The following DENND3 variants were observed in gnomAD, a reference collection of about 807,000 sequenced individuals.
DENND3 encodes the protein DENN domain-containing protein 3.
Under a neutral mutation model 135.1 loss-of-function variants are expected in DENND3, and 88 were observed. That is an observed-to-expected ratio of 0.65 (90% CI 0.55 to 0.78). DENND3 has a LOEUF of 0.78. DENND3 is among the 30% of genes least tolerant of loss of function. The pLI is 0.00. For synonymous variants in DENND3, 693 were observed against 712.3 expected, an observed-to-expected ratio of 0.97 and a Z score of 0.43; for missense variants, 1,392 against 1,688.4, an observed-to-expected ratio of 0.82 and a Z score of 3.08.
Position 141,194,488 on chromosome 8 carries a change from T to G in DENND3, c.*255T>G. The G allele has an allele frequency of 1.9e-6, 1 of 522,004 alleles. No individual in the cohort carries two copies. Among genetic ancestry groups the G allele is most frequent in the Admixed American group, 3.2e-5 (1 of 31,394 alleles). 32.3% of individuals were successfully genotyped at this position (522,004 alleles called of 1,614,324 possible). On this transcript the variant is annotated 3_prime_UTR_variant, in exon 23 of 23. Coordinates refer to ENST00000519811, the MANE Select transcript of DENND3 (RefSeq NM_001352890.3). The stretch of plus-strand genomic sequence containing the variant: ...TCTCAGGCAGGCAGCTGCGTCTTGT[T>G]GGTGATAACCTCTGCTGGGAGGTTA...
At chr8:141,153,502 G>C (rs1819068355) in intron 7 of DENND3, among the ~76,000 whole-genome samples, 1 of 152,208 alleles carries the variant, frequency 6.6e-6, no homozygotes, top group Non-Finnish European at 1.5e-5. Flanking sequence ...CCCCAGCCCC[G>C]CTTTTCCCGG....
chr8:141,169,550 G>A (rs192859134), intron 13 of DENND3, among the ~76,000 whole-genome samples: 9 of 152,350 alleles, frequency 5.9e-5, no homozygotes, highest in African/African-American at 2.2e-4. Flanking sequence ...CACCTGCTGC[G>A]TTTCCCATGG....
intron 5 of DENND3, among the ~76,000 whole-genome samples, chr8:141,145,853 A>ATATATATATAT (rs1569555499): frequency 1.2e-5 from 1 of 85,836 alleles, no homozygotes; most frequent in Non-Finnish European, 2.5e-5. Flanking sequence ...ATATATATGT[A>ATATATATATAT]TTTTTTTTTT....
Position 141,166,270 on chromosome 8 carries a change from C to T in DENND3, c.1634C>T (p.Thr545Ile). The T allele has an allele frequency of 6.2e-7, 1 of 1,614,138 alleles. No homozygotes were observed. Among genetic ancestry groups the T allele is most frequent in the Non-Finnish European group, 8.5e-7 (1 of 1,180,038 alleles). ...CGGAAGTCCTCGCACCTGCATGTCA[C>T]CCACAGGCGCATGGTGGTCAGCATG... ...ASRKSSHLHV[T>I]HRRMVVSMPN... is the part of the protein sequence containing the mutation. Residue 545 changes from threonine to isoleucine, a missense_variant, in exon 12 of 23, where the codon ACC becomes ATC. Coordinates refer to ENST00000519811, the MANE Select transcript of DENND3 (RefSeq NM_001352890.3). This position sits in a 1 kb window ranked among gnomAD's most constrained non-coding sequence, Gnocchi z 4.3.
At chr8:141,134,768 T>C (rs1816572356) in intron 1 of DENND3, among the ~76,000 whole-genome samples, 1 of 152,236 alleles carries the variant, frequency 6.6e-6, no homozygotes, top group Non-Finnish European at 1.5e-5. Flanking sequence ...CTGTGTCTTA[T>C]TGGAATGTTG....
chr8:141,128,861 A>G lies in DENND3; in HGVS notation c.102+52A>G. On this transcript the variant is annotated intron_variant, in intron 1 of 22. Transcript: ENST00000519811. The surrounding 1 kb of genome is among the most constrained non-coding windows in gnomAD (Gnocchi z 4.5). Reference sequence around the variant, plus strand: ...CGTGGGCCACGAGTCGGCAGCCGGGACAGCAGTCGGAGAGCGGGCGCCCGG... The same window carrying G: ...CGTGGGCCACGAGTCGGCAGCCGGGGCAGCAGTCGGAGAGCGGGCGCCCGG... 7.7e-7 allele frequency: 1 copy of G among 1,302,462 alleles called. No homozygotes were observed. The highest frequency in any genetic ancestry group is 1.0e-6 in the Non-Finnish European group (1 of 1,003,522). The allele number at this position is 1,302,462 out of a possible 1,614,324, so 80.7% of individuals were successfully genotyped here. A position where few individuals can be genotyped will look rare whatever the true frequency, so the allele number is the denominator to read the frequency against.
At chr8:141,150,712 C>G (rs915344322) in intron 5 of DENND3, 122 bp from the exon 6 acceptor site, 2 of 1,261,460 alleles carry the variant, frequency 1.6e-6, no homozygotes, top group Non-Finnish European at 2.1e-6. Flanking sequence ...AACGTGGCAG[C>G]CTGTGTCTTC....
chr8:141,154,073 G>A lies in DENND3; in HGVS notation c.1075-1776G>A, dbSNP rs143580975. On this transcript the variant is annotated intron_variant, in intron 7 of 22. Coordinates refer to ENST00000519811, the MANE Select transcript of DENND3 (RefSeq NM_001352890.3). The surrounding 1 kb of genome is among the most constrained non-coding windows in gnomAD (Gnocchi z 4.4). The stretch of plus-strand genomic sequence containing the variant: ...CGTTAACACATCCACGGGACCGGCT[G>A]TGTGCCTCGCTGCTTTAGCGTTTTG... Among the ~76,000 whole-genome samples, 705 of 152,368 alleles carry A rather than the reference G, an allele frequency of 4.6e-3. 6 individuals carry two copies. The highest frequency in any genetic ancestry group is 0.016 in the African/African-American group (670 of 41,596).
intron 19 of DENND3, 147 bp from the exon 20 acceptor site, chr8:141,190,137 A>G: frequency 9.3e-7 from 1 of 1,080,186 alleles, no homozygotes. Context: ...GCAGGTTATT[A>G]TGTTTGCATG....
chr8:141,188,912 AGTAAAT>A, intron 18 of DENND3, 68 bp from the exon 19 acceptor site: 1 of 1,542,274 alleles, frequency 6.5e-7, no homozygotes, highest in Non-Finnish European at 8.7e-7. Context: ...CAGCACGTGC[AGTAAAT>A]GTATAGAATA....
chr8:141,178,250 T>G, intron 16 of DENND3, 54 bp downstream of exon 16: 1 of 1,567,788 alleles, frequency 6.4e-7, no homozygotes, highest in Admixed American at 1.8e-5. Context: ...ACGCCTTAAG[T>G]GATTTTATCT....
rs1820816941 is a variant in DENND3 at position 141,166,496 on chromosome 8, G to C, written c.1753+107G>C. On this transcript the variant is annotated intron_variant, in intron 12 of 22. Coordinates refer to ENST00000519811, the MANE Select transcript of DENND3 (RefSeq NM_001352890.3). The surrounding 1 kb of genome is among the most constrained non-coding windows in gnomAD (Gnocchi z 4.3). ...TGTTTCAGGAGAGACGAGTGGGCTT[G>C]TTTTAGCAGCTGAGTTATTTGAAAT... The C allele has an allele frequency of 7.7e-6, 9 of 1,165,174 alleles. No homozygotes were observed. Among genetic ancestry groups the C allele is most frequent in the Non-Finnish European group, 1.1e-5 (9 of 838,384 alleles). The allele number at this position is 1,165,174 out of a possible 1,614,324, so 72.2% of individuals were successfully genotyped here. A position where few individuals can be genotyped will look rare whatever the true frequency, so the allele number is the denominator to read the frequency against.
At chr8:141,188,851 G>C in intron 18 of DENND3, 135 bp from the exon 19 acceptor site, 2 of 1,219,966 alleles carry the variant, frequency 1.6e-6, no homozygotes, top group Non-Finnish European at 2.2e-6. Flanking sequence ...AGGCTCCCAG[G>C]ACCCTGAGCC....
intron 16 of DENND3, among the ~76,000 whole-genome samples, chr8:141,179,425 A>G (rs895658660): frequency 6.6e-6 from 1 of 152,244 alleles, no homozygotes; most frequent in South Asian, 2.1e-4. Flanking sequence ...TTATCAGCGC[A>G]TGACGGCAGA....
At position 141,168,378 on chromosome 8, in the gene DENND3, G is replaced by A. The variant is rs1202855347; in HGVS notation, c.2128G>A (p.Glu710Lys). The A allele has an allele frequency of 1.9e-6, 3 of 1,613,922 alleles. No homozygotes were observed. The highest frequency in any genetic ancestry group is 2.5e-6 in the Non-Finnish European group (3 of 1,180,026). Reference protein sequence around the residue: ...LISEILDKPHEASKLDDHVKK... With the variant: ...LISEILDKPHKASKLDDHVKK... Reference sequence around the variant, plus strand: ...CAGCGAGATCCTGGACAAGCCGCACGAGGCCTCGAAGCTGGACGACCACGT... The same window carrying A: ...CAGCGAGATCCTGGACAAGCCGCACAAGGCCTCGAAGCTGGACGACCACGT... The change falls in exon 13 of 23, where the codon GAG (glutamate) becomes AAG (lysine). Residue 710 changes from glutamate to lysine, a missense_variant. Coordinates refer to ENST00000519811, the MANE Select transcript of DENND3 (RefSeq NM_001352890.3). This position sits in a 1 kb window ranked among gnomAD's most constrained non-coding sequence, Gnocchi z 6.2.
At chr8:141,131,421 T>C (rs1661483180) in intron 1 of DENND3, among the ~76,000 whole-genome samples, 1 of 152,204 alleles carries the variant, frequency 6.6e-6, no homozygotes, top group Non-Finnish European at 1.5e-5. Flanking sequence ...TTGGTGGACA[T>C]CGTCCTGACT....
intron 5 of DENND3, among the ~76,000 whole-genome samples, chr8:141,148,698 T>C (rs1818438634): frequency 6.6e-6 from 1 of 152,130 alleles, no homozygotes; most frequent in Non-Finnish European, 1.5e-5. Context: ...ATCTCTAGCA[T>C]GCACCCGAGA....
intron 22 of DENND3, 27 bp downstream of exon 22, chr8:141,192,690 G>T (rs763293561): frequency 6.2e-7 from 1 of 1,605,222 alleles, no homozygotes; most frequent in Non-Finnish European, 8.5e-7. Context: ...GCCATCCCCA[G>T]CATCCCCGGC....
In DENND3 at chr8:141,166,271, C is replaced by T. The variant is rs1417712672; in HGVS notation, c.1635C>T (p.Thr545=). 3 of 1,613,990 alleles carry T rather than the reference C, an allele frequency of 1.9e-6. No individual in the cohort carries two copies. Among genetic ancestry groups the T allele is most frequent in the African/African-American group, 1.3e-5 (1 of 74,924 alleles). The change falls in exon 12 of 23, where the codon ACC becomes ACT. Residue 545 remains threonine (T), a synonymous_variant. Coordinates refer to ENST00000519811, the MANE Select transcript of DENND3 (RefSeq NM_001352890.3). The surrounding 1 kb of genome is among the most constrained non-coding windows in gnomAD (Gnocchi z 4.3). ...ASRKSSHLHV[T]HRRMVVSMPN... ...GGAAGTCCTCGCACCTGCATGTCAC[C>T]CACAGGCGCATGGTGGTCAGCATGC...
Sources: gnomAD v4.1 joint callset for allele counts (sites outside exome capture counted in the v4.1 genomes callset) on GRCh38, gnomAD v4.1.1 for gene constraint, Gnocchi (gnomAD v3.1) non-coding constraint, MANE v1.5 for transcripts, NCBI Gene and HGNC (gene_info 2026-07-23, HGNC 2026-07-21) for gene names.